MALRD1: variants seen among roughly 807,000 people sequenced by gnomAD.
MALRD1 encodes the protein MAM and LDL receptor class A domain containing 1.
In MALRD1, 247 loss-of-function variants were observed where a neutral mutation model predicts 242.1. That is an observed-to-expected ratio of 1.02 (90% CI 0.92 to 1.13). The LOEUF is 1.13. Ranked by LOEUF, MALRD1 falls within the 50% of genes most tolerant of loss-of-function variation. MALRD1 has a pLI of 0.00. For synonymous variants in MALRD1, 995 were observed against 866.6 expected (o/e 1.15, Z -2.60); for missense variants, 2,989 against 2,533.1 (o/e 1.18, Z -3.86).
At chr10:19,680,189 T>G (rs1416405529) in intron 36 of MALRD1, among the ~76,000 whole-genome samples, 1 of 152,186 alleles carries the variant, frequency 6.6e-6, no homozygotes, top group Non-Finnish European at 1.5e-5. Flanking sequence ...GTCCTGAATA[T>G]CCTTGTTTAT....
At chr10:19,171,573 CAT>C (rs772640951) in intron 13 of MALRD1, among the ~76,000 whole-genome samples, 1,345 of 70,220 alleles carry the variant, frequency 0.019, 14 homozygotes, top group Non-Finnish European at 0.026. Context: ...TACACACACA[CAT>C]ATATATGTCT....
intron 38 of MALRD1, among the ~76,000 whole-genome samples, chr10:19,698,635 A>G (rs948037146): frequency 9.2e-5 from 14 of 152,228 alleles, no homozygotes; most frequent in African/African-American, 2.4e-4. Context: ...CCCAAAACCA[A>G]TGATGGAAAG....
chr10:19,371,446 T>C (rs138012925), intron 26 of MALRD1, among the ~76,000 whole-genome samples: 3 of 151,838 alleles, frequency 2.0e-5, no homozygotes, highest in Non-Finnish European at 4.4e-5. Flanking sequence ...CAAATCACCT[T>C]TTGAATCTAT....
At chr10:19,187,672 A>T (rs533351901) in intron 14 of MALRD1, among the ~76,000 whole-genome samples, 1 of 152,200 alleles carries the variant, frequency 6.6e-6, no homozygotes, top group African/African-American at 2.4e-5. Context: ...AGCAACATGG[A>T]TTGAGTTGGA....
In MALRD1 at chr10:19,520,511, C is replaced by CA. The variant is rs201580087; in HGVS notation, c.5321-10677dup. ...TTCTACTCCAAACATACAATACCAT[C>CA]AAAAAAGAAATCCAGGTGACTTTGT... On this transcript the variant is annotated intron_variant, in intron 31 of 39. Coordinates refer to ENST00000454679, the MANE Select transcript of MALRD1 (RefSeq NM_001142308.3). 3.5e-3 allele frequency among the ~76,000 whole-genome samples: 528 copies of CA among 152,228 alleles called. 7 individuals carry two copies. The East Asian group carries it at 0.05, about 14-fold the overall frequency.
intron 32 of MALRD1, among the ~76,000 whole-genome samples, chr10:19,557,126 T>C (rs1320646002): frequency 6.6e-6 from 1 of 152,164 alleles, no homozygotes; most frequent in Non-Finnish European, 1.5e-5. Context: ...TTCATCCATT[T>C]TTCTCATCAG....
intron 21 of MALRD1, among the ~76,000 whole-genome samples, chr10:19,291,793 T>C (rs1005444750): frequency 1.3e-5 from 2 of 151,500 alleles, no homozygotes; most frequent in African/African-American, 4.9e-5. Flanking sequence ...TTAAAAAAAA[T>C]AAAATTTGTG....
intron 19 of MALRD1, among the ~76,000 whole-genome samples, chr10:19,278,681 G>T (rs112797905): frequency 1.3e-5 from 2 of 152,076 alleles, no homozygotes; most frequent in African/African-American, 2.4e-5. Context: ...TGACTGCCTT[G>T]CCCACTAGAT....
intron 38 of MALRD1, among the ~76,000 whole-genome samples, chr10:19,695,968 G>A (rs559213142): frequency 5.9e-5 from 9 of 152,178 alleles, no homozygotes; most frequent in South Asian, 2.1e-4. Flanking sequence ...ATTACCTTCC[G>A]CCAAGTCACT....
chr10:19,196,745 C>T (rs1380253569), intron 14 of MALRD1, among the ~76,000 whole-genome samples: 1 of 152,134 alleles, frequency 6.6e-6, no homozygotes, highest in Non-Finnish European at 1.5e-5. Flanking sequence ...ACCTCCAAAC[C>T]TGCCTCCCCA....
chr10:19,314,847 G>A (rs139165576), intron 21 of MALRD1, among the ~76,000 whole-genome samples: 37 of 151,236 alleles, frequency 2.4e-4, no homozygotes, highest in African/African-American at 8.5e-4. Flanking sequence ...GTAGACCAGC[G>A]CAACGTGAAG....
At chr10:19,601,827 G>A (rs370494482) in intron 34 of MALRD1, among the ~76,000 whole-genome samples, 1 of 152,006 alleles carries the variant, frequency 6.6e-6, no homozygotes, top group African/African-American at 2.4e-5. Context: ...TCAAGAAGAT[G>A]AGTAGTATCT....
intron 12 of MALRD1, among the ~76,000 whole-genome samples, chr10:19,162,044 G>GCAA (rs34483130): frequency 8.4e-5 from 10 of 119,702 alleles, no homozygotes; most frequent in South Asian, 2.4e-4. Context: ...AACAACAACA[G>GCAA]CAACAACAAC....
intron 28 of MALRD1, among the ~76,000 whole-genome samples, chr10:19,411,485 C>G (rs2130885380): frequency 6.6e-6 from 1 of 152,298 alleles, no homozygotes; most frequent in African/African-American, 2.4e-5. Flanking sequence ...ACTCTTCTAA[C>G]TACATGATCT....
At chr10:19,491,788 C>A in intron 30 of MALRD1, 143 bp downstream of exon 30, 1 of 868,828 alleles carries the variant, frequency 1.2e-6, no homozygotes, top group Non-Finnish European at 1.7e-6. Context: ...AATATTTCCC[C>A]AAATTTGTAT....
chr10:19,267,757 A>G (rs1840028386), intron 19 of MALRD1, among the ~76,000 whole-genome samples: 1 of 152,006 alleles, frequency 6.6e-6, no homozygotes, highest in Admixed American at 6.6e-5. Context: ...GGAGGTGTAG[A>G]CTCAGAAGAA....
At chr10:19,217,883 C>G (rs931581365) in intron 18 of MALRD1, among the ~76,000 whole-genome samples, 8 of 152,128 alleles carry the variant, frequency 5.3e-5, no homozygotes, top group Admixed American at 2.6e-4. Flanking sequence ...AATGCAGGGA[C>G]TATTTCCTTG....
intron 39 of MALRD1, among the ~76,000 whole-genome samples, chr10:19,732,066 T>C (rs1011489156): frequency 6.6e-6 from 1 of 152,128 alleles, no homozygotes; most frequent in Non-Finnish European, 1.5e-5. Flanking sequence ...AAGTAAATGA[T>C]TTCCTAAAGC....
At chr10:19,414,162 A>G (rs1299273903) in intron 28 of MALRD1, among the ~76,000 whole-genome samples, 1 of 152,154 alleles carries the variant, frequency 6.6e-6, no homozygotes, top group African/African-American at 2.4e-5. Flanking sequence ...TACTCTGTTT[A>G]ATAATTAAAA....
Sources: gnomAD v4.1 joint callset for allele counts (sites outside exome capture counted in the v4.1 genomes callset) on GRCh38, gnomAD v4.1.1 for gene constraint, MANE v1.5 for transcripts, NCBI Gene and HGNC (gene_info 2026-07-23, HGNC 2026-07-21) for gene names.